TRIM66: variants seen among roughly 807,000 people sequenced by gnomAD.
TRIM66 encodes tripartite motif-containing protein 66.
A neutral mutation model predicts 148.2 loss-of-function variants in TRIM66; 99 were observed. That is an observed-to-expected ratio of 0.67 (90% confidence interval 0.57 to 0.79). TRIM66 has a LOEUF of 0.79. TRIM66 is among the 30% of genes least tolerant of loss of function. TRIM66 has a pLI of 0.00. For missense variants in TRIM66, 1,666 were observed against 1,697.9 expected, an observed-to-expected ratio of 0.98 and a Z score of 0.33; for synonymous variants, 616 against 635.9, an observed-to-expected ratio of 0.97 and a Z score of 0.47.
intron 3 of TRIM66, chr11:8,679,336 T>C (rs1295300473): frequency 6.6e-6 from 1 of 152,158 alleles, no homozygotes; most frequent in Non-Finnish European, 1.5e-5. Context: ...CCCAGGGTAC[T>C]CCCTCTACAA....
intron 3 of TRIM66, among the ~76,000 whole-genome samples, chr11:8,675,098 G>T (rs1388043260): frequency 6.6e-6 from 1 of 152,062 alleles, no homozygotes; most frequent in Non-Finnish European, 1.5e-5. Flanking sequence ...ACCAAGCATT[G>T]GTCATTTGGA....
Position 8,617,659 on chromosome 11 carries a change from G to T in TRIM66, c.*285C>A. ...TTCACCAAGGAAAGTAGGTTTTCCC[G>T]AGCCTAACCAGGTGTGGTCTTGTCA... On this transcript the variant is annotated 3_prime_UTR_variant, in exon 25 of 25. Transcript: ENST00000646038. The T allele has an allele frequency of 2.5e-6, 1 of 398,060 alleles. No homozygotes were observed. The highest frequency in any genetic ancestry group is 4.5e-6 in the Non-Finnish European group (1 of 224,254). The allele number at this position is 398,060 out of a possible 1,614,324, so 24.7% of individuals were successfully genotyped here. A position where few individuals can be genotyped will look rare whatever the true frequency, so the allele number is the denominator to read the frequency against.
intron 10 of TRIM66, among the ~76,000 whole-genome samples, chr11:8,647,727 T>C (rs1423359577): frequency 1.2e-4 from 18 of 152,314 alleles, no homozygotes; most frequent in Non-Finnish European, 2.4e-4. Context: ...GCATATTCTT[T>C]GACCCAGACT....
At chr11:8,659,438 G>A (rs1268545174) in intron 6 of TRIM66, among the ~76,000 whole-genome samples, 1 of 152,148 alleles carries the variant, frequency 6.6e-6, no homozygotes, top group Non-Finnish European at 1.5e-5. Flanking sequence ...TAGGATGTTG[G>A]GGCTAGTGGT....
At chr11:8,677,174 C>T (rs2039215010) in intron 3 of TRIM66, among the ~76,000 whole-genome samples, 1 of 152,094 alleles carries the variant, frequency 6.6e-6, no homozygotes, top group Admixed American at 6.5e-5. Flanking sequence ...AAATAACACT[C>T]ATTTTAGGGA....
Position 8,649,780 on chromosome 11 carries a change from G to A in TRIM66, c.552C>T (p.Pro184=), listed in dbSNP as rs1003804871. 3.6e-5 allele frequency: 56 copies of A among 1,551,570 alleles called. No individual in the cohort carries two copies. Among genetic ancestry groups the A allele is most frequent in the East Asian group, 2.0e-4 (8 of 40,916 alleles). ...CTEEHRHSPV[P]GGPFFPRAQK... ...GGGCCCGAGGAAAGAATGGGCCCCC[G>A]GGGACAGGGCTGTGTCGGTGTTCCT... is the stretch of plus-strand genomic sequence containing the variant. The change falls in exon 8 of 25, where the codon CCC becomes CCT. Residue 184 remains proline (P), a synonymous_variant. Coordinates refer to ENST00000646038, the MANE Select transcript of TRIM66 (RefSeq NM_001388022.1).
chr11:8,629,426 T>C (rs1251937194), intron 15 of TRIM66, among the ~76,000 whole-genome samples: 1 of 152,216 alleles, frequency 6.6e-6, no homozygotes, highest in Non-Finnish European at 1.5e-5. Context: ...AGATCCTTGT[T>C]GCCAAGCATT....
At chr11:8,665,165 C>T (rs1217126089) in intron 6 of TRIM66, among the ~76,000 whole-genome samples, 4 of 151,812 alleles carry the variant, frequency 2.6e-5, no homozygotes, top group Admixed American at 6.6e-5. Flanking sequence ...AGAGGATAAA[C>T]GTTCCAGAAA....
intron 12 of TRIM66, among the ~76,000 whole-genome samples, chr11:8,645,062 C>T (rs2036730269): frequency 6.6e-6 from 1 of 152,132 alleles, no homozygotes; most frequent in Non-Finnish European, 1.5e-5. Context: ...TGACGGTATT[C>T]CCTGGGTTCC....
upstream of TRIM66, chr11:8,683,197 C>T (rs1314543547): frequency 5.6e-6 from 9 of 1,614,200 alleles, no homozygotes; most frequent in East Asian, 2.2e-5. Flanking sequence ...GCTTTTTCCA[C>T]ACAGCCATCC....
At chr11:8,625,518 C>A (rs543662775) in intron 15 of TRIM66, among the ~76,000 whole-genome samples, 19 of 142,318 alleles carry the variant, frequency 1.3e-4, no homozygotes, top group African/African-American at 4.2e-4. Context: ...AGAAGGAGAA[C>A]TTATTGCCTG....
chr11:8,629,969 T>C (rs2035238894), intron 15 of TRIM66, among the ~76,000 whole-genome samples: 1 of 152,230 alleles, frequency 6.6e-6, no homozygotes, highest in African/African-American at 2.4e-5. Context: ...CTGAAACCTA[T>C]ATATGCTATG....
At chr11:8,671,427 C>G (rs966904098) in intron 6 of TRIM66, among the ~76,000 whole-genome samples, 1 of 152,156 alleles carries the variant, frequency 6.6e-6, no homozygotes, top group Non-Finnish European at 1.5e-5. Context: ...AAATCTGTTC[C>G]TGACTAACCC....
chr11:8,656,036 T>A (rs1400147509), intron 6 of TRIM66, among the ~76,000 whole-genome samples: 1 of 152,182 alleles, frequency 6.6e-6, no homozygotes, highest in Non-Finnish European at 1.5e-5. Context: ...CCAGAGTGGA[T>A]CCAAAGGACA....
Position 8,681,208 on chromosome 11 carries a change from A to T in TRIM66, c.-547-1145T>A, listed in dbSNP as rs553273495. ...CAGTGCAGTGGCGCGATCTCGGTTC[A>T]CTACAAGCTCCGCCTCCCGGGTTCA... On this transcript the variant is annotated intron_variant, in intron 1 of 24. Transcript: ENST00000646038. Among the ~76,000 whole-genome samples the T allele has an allele frequency of 2.7e-5, 4 of 149,590 alleles. No individual in the cohort carries two copies. The South Asian group carries it at 6.3e-4, about 24-fold the overall frequency.
chr11:8,619,346 A>G (rs1306157747), intron 23 of TRIM66, 37 bp downstream of exon 23: 2 of 1,305,128 alleles, frequency 1.5e-6, no homozygotes, highest in Non-Finnish European at 2.0e-6. Flanking sequence ...CTGGGGATGC[A>G]GGGAAATAGG....
chr11:8,660,759 A>C (rs1249175187), intron 6 of TRIM66, among the ~76,000 whole-genome samples: 2 of 152,314 alleles, frequency 1.3e-5, no homozygotes, highest in Middle Eastern at 3.4e-3. Flanking sequence ...TGTGAACTCT[A>C]ATTCTGATAA....
chr11:8,638,593 G>A (rs1402100237), intron 15 of TRIM66, 61 bp downstream of exon 15: 2 of 1,518,178 alleles, frequency 1.3e-6, no homozygotes, highest in Non-Finnish European at 1.8e-6. Flanking sequence ...TCCTCCAAGT[G>A]CCTGGGGTCT....
chr11:8,646,509 C>T lies in TRIM66; in HGVS notation c.895G>A (p.Ala299Thr). ...HRKVENQIKM[A>T]KMVLMNELNK... ...AGCTCATTCATCAGAACCATCTTGGCCATTTTGATCTGGTTTTCCACCTTC... is the reference window on the plus strand; with the variant it reads ...AGCTCATTCATCAGAACCATCTTGGTCATTTTGATCTGGTTTTCCACCTTC... The change falls in exon 11 of 25, where the codon GCC (alanine) becomes ACC (threonine). Residue 299 changes from alanine to threonine, a missense_variant. By Grantham distance (58) the Ala-to-Thr change is moderately conservative. Around this residue, in one of 3 missense-constraint regions of TRIM66, gnomAD observed 1,431 missense variants for 1,412.4 expected, o/e 1.01. Coordinates refer to ENST00000646038, the MANE Select transcript of TRIM66 (RefSeq NM_001388022.1). 6.4e-7 allele frequency: 1 copy of T among 1,552,144 alleles called. No individual in the cohort carries two copies. Among genetic ancestry groups the T allele is most frequent in the Non-Finnish European group, 8.7e-7 (1 of 1,147,088 alleles).
Sources: gnomAD v4.1 joint callset for allele counts (sites outside exome capture counted in the v4.1 genomes callset) on GRCh38, gnomAD v4.1.1 for gene constraint, gnomAD v4.1.1 regional missense constraint, MANE v1.5 for transcripts, NCBI Gene and HGNC (gene_info 2026-07-23, HGNC 2026-07-21) for gene names.